KCND3: variants seen among roughly 807,000 people sequenced by gnomAD.
The protein encoded by KCND3 is potassium voltage-gated channel subfamily D member 3.
KCND3 carries 9 observed loss-of-function variants against 51.1 expected under a neutral mutation model. That is an observed-to-expected ratio of 0.18 (90% CI 0.11 to 0.31). The LOEUF (loss-of-function observed/expected upper bound fraction) is 0.31. Among genes scored for constraint, KCND3 ranks in the 10% least tolerant of loss-of-function variants. The pLI is 1.00. For synonymous variants in KCND3, 349 were observed against 368.0 expected (o/e 0.95, Z 0.59); for missense variants, 526 against 903.8 (o/e 0.58, Z 5.36).
At chr1:111,796,313 A>G (rs1665052874) in intron 2 of KCND3, among the ~76,000 whole-genome samples, 1 of 152,134 alleles carries the variant, frequency 6.6e-6, no homozygotes, top group Non-Finnish European at 1.5e-5. Flanking sequence ...TATCATAAAG[A>G]CACATGCATG....
chr1:111,844,151 T>G (rs1667448562), intron 2 of KCND3, among the ~76,000 whole-genome samples: 1 of 152,018 alleles, frequency 6.6e-6, no homozygotes, highest in Non-Finnish European at 1.5e-5. Flanking sequence ...CACTCAACAT[T>G]TTAAAACGAC....
chr1:111,857,774 C>T (rs1330262502), intron 2 of KCND3, among the ~76,000 whole-genome samples: 1 of 151,840 alleles, frequency 6.6e-6, no homozygotes, highest in African/African-American at 2.4e-5. Flanking sequence ...ATCTAAAGAG[C>T]CCCCTCCTTG....
chr1:111,776,516 G>A (rs1381995703), intron 7 of KCND3, among the ~76,000 whole-genome samples: 2 of 152,170 alleles, frequency 1.3e-5, no homozygotes, highest in Admixed American at 6.5e-5. Flanking sequence ...CCCCACCAGT[G>A]ATTGTATATC....
intron 2 of KCND3, among the ~76,000 whole-genome samples, chr1:111,905,596 G>C (rs977926139): frequency 6.6e-6 from 1 of 152,186 alleles, no homozygotes; most frequent in Non-Finnish European, 1.5e-5. Flanking sequence ...CTGACCTGGA[G>C]ATTCTGCTTC....
chr1:111,813,625 C>T (rs773577790), intron 2 of KCND3, among the ~76,000 whole-genome samples: 14 of 152,058 alleles, frequency 9.2e-5, no homozygotes, highest in Non-Finnish European at 1.8e-4. Context: ...GTGCCCCACA[C>T]ACCTGTACCA....
At position 111,780,179 on chromosome 1, in the gene KCND3, G is replaced by A. The variant is rs1388520103; in HGVS notation, c.1461+46C>T. 5.3e-6 allele frequency: 8 copies of A among 1,513,448 alleles called. No individual in the cohort carries two copies. The highest frequency in any genetic ancestry group is 7.2e-6 in the Non-Finnish European group (8 of 1,112,030). The allele number at this position is 1,513,448 out of a possible 1,614,324, so 93.8% of individuals were successfully genotyped here. A position where few individuals can be genotyped will look rare whatever the true frequency, so the allele number is the denominator to read the frequency against. ...GATGTGAGTACAGCCTTAGAAAAGG[G>A]TCAGGGTCAGCGATGAAAAGGAGGT... On this transcript the variant is annotated intron_variant, in intron 5 of 7. Transcript: ENST00000302127. This position sits in a 1 kb window ranked among gnomAD's most constrained non-coding sequence, Gnocchi z 4.2.
chr1:111,953,548 A>G (rs1250692633), intron 2 of KCND3, among the ~76,000 whole-genome samples: 1 of 152,226 alleles, frequency 6.6e-6, no homozygotes, highest in Non-Finnish European at 1.5e-5. Context: ...ACGCCTGGGA[A>G]ACGGCCTGCC....
chr1:111,911,338 G>T (rs1670935200), intron 2 of KCND3, among the ~76,000 whole-genome samples: 1 of 152,234 alleles, frequency 6.6e-6, no homozygotes, highest in South Asian at 2.1e-4. Context: ...ACACACAGGG[G>T]TGTCTGCAAG....
At chr1:111,805,729 G>A (rs576071211) in intron 2 of KCND3, among the ~76,000 whole-genome samples, 1 of 152,204 alleles carries the variant, frequency 6.6e-6, no homozygotes, top group African/African-American at 2.4e-5. Context: ...ATGTGGCTAG[G>A]GGAGCGCCTA....
At chr1:111,906,073 G>T (rs1166201159) in intron 2 of KCND3, among the ~76,000 whole-genome samples, 1 of 152,206 alleles carries the variant, frequency 6.6e-6, no homozygotes, top group African/African-American at 2.4e-5. Flanking sequence ...TGTGTCCTGG[G>T]GGCTGTGAGC....
chr1:111,965,433 C>T (rs994034375), intron 2 of KCND3, among the ~76,000 whole-genome samples: 4 of 144,162 alleles, frequency 2.8e-5, no homozygotes, highest in African/African-American at 5.2e-5. Context: ...TTATGGCCAG[C>T]AAAACCACAC....
chr1:111,908,156 T>C (rs1441968092), intron 2 of KCND3, among the ~76,000 whole-genome samples: 1 of 152,206 alleles, frequency 6.6e-6, no homozygotes, highest in Non-Finnish European at 1.5e-5. Flanking sequence ...TCCCCTTGGA[T>C]AGATCAAGAT....
chr1:111,884,775 G>A (rs2101746828), intron 2 of KCND3, among the ~76,000 whole-genome samples: 1 of 152,320 alleles, frequency 6.6e-6, no homozygotes, highest in African/African-American at 2.4e-5. Context: ...GAACCAGCAT[G>A]GATTCATTAA....
chr1:111,931,100 C>T (rs1671950226), intron 2 of KCND3, among the ~76,000 whole-genome samples: 1 of 152,164 alleles, frequency 6.6e-6, no homozygotes, highest in South Asian at 2.1e-4. Flanking sequence ...GTATACTCTG[C>T]CTCGTATGAG....
At chr1:111,861,484 A>C (rs1304978995) in intron 2 of KCND3, among the ~76,000 whole-genome samples, 1 of 152,198 alleles carries the variant, frequency 6.6e-6, no homozygotes, top group African/African-American at 2.4e-5. Flanking sequence ...TCACTTTAAA[A>C]GGCTTTTCAT....
At chr1:111,816,160 G>C (rs770012704) in intron 2 of KCND3, among the ~76,000 whole-genome samples, 2 of 152,268 alleles carry the variant, frequency 1.3e-5, no homozygotes, top group Non-Finnish European at 2.9e-5. Flanking sequence ...CAGGCCCAAA[G>C]CTCGGCCGGG....
intron 2 of KCND3, among the ~76,000 whole-genome samples, chr1:111,842,964 G>C (rs1667393422): frequency 6.6e-6 from 1 of 152,160 alleles, no homozygotes. Context: ...TTTATTTTTG[G>C]CATGGTTAGC....
intron 2 of KCND3, among the ~76,000 whole-genome samples, chr1:111,954,217 C>T (rs1021894208): frequency 6.6e-6 from 1 of 152,148 alleles, no homozygotes; most frequent in East Asian, 1.9e-4. Flanking sequence ...TGTAAATAGT[C>T]CTTTTATGAA....
chr1:111,841,427 A>G (rs993903370), intron 2 of KCND3, among the ~76,000 whole-genome samples: 2 of 134,588 alleles, frequency 1.5e-5, no homozygotes, highest in Admixed American at 1.5e-4. Context: ...GTAGGTAAAT[A>G]TCAGAAAACG....
Sources: allele counts gnomAD v4.1 joint callset (sites outside exome capture counted in the v4.1 genomes callset), GRCh38; gene constraint gnomAD v4.1.1; non-coding constraint Gnocchi (gnomAD v3.1); transcripts MANE v1.5; gene names NCBI Gene and HGNC (gene_info 2026-07-23, HGNC 2026-07-21).